SDHD: variants seen among roughly 807,000 people sequenced by gnomAD.
SDHD encodes the protein succinate dehydrogenase complex subunit D, also known as succinate dehydrogenase [ubiquinone] cytochrome b small subunit, mitochondrial.
SDHD carries 6 observed loss-of-function variants against 18.7 expected under a neutral mutation model. That is an observed-to-expected ratio of 0.32 (90% confidence interval 0.18 to 0.63). The LOEUF (loss-of-function observed/expected upper bound fraction) is 0.63, where lower values mean the gene tolerates loss of function less well. Ranked by LOEUF, SDHD falls within the 30% of genes least tolerant of loss-of-function variation. The pLI is 0.79. For synonymous variants in SDHD, 56 were observed against 73.9 expected (o/e 0.76, Z 1.24); for missense variants, 160 against 192.7 (o/e 0.83, Z 1.00).
At chr11:112,089,419 A>C (rs1865704383) in intron 3 of SDHD, among the ~76,000 whole-genome samples, 1 of 152,220 alleles carries the variant, frequency 6.6e-6, no homozygotes, top group Non-Finnish European at 1.5e-5. Flanking sequence ...CCAACACAGC[A>C]TACCCAGTGA....
Position 112,095,794 on chromosome 11 carries a change from A to G in SDHD, c.*824A>G, listed in dbSNP as rs764507748. The G allele has an allele frequency of 5.1e-6, 1 of 197,858 alleles. No homozygotes were observed. The highest frequency in any genetic ancestry group is 1.0e-5 in the Non-Finnish European group (1 of 96,292). 12.3% of individuals were successfully genotyped at this position (197,858 alleles called of 1,614,324 possible). A position where few individuals can be genotyped will look rare whatever the true frequency, so the allele number is the denominator to read the frequency against. On this transcript the variant is annotated 3_prime_UTR_variant, in exon 4 of 4. Coordinates refer to ENST00000375549, the MANE Select transcript of SDHD (RefSeq NM_003002.4). ...TAATAAAAGTGTCTTCTATGCTTTT[A>G]TATATTAGCTATCAGTAGTTTTATT...
chr11:112,087,805 A>G, intron 1 of SDHD, 52 bp from the exon 2 acceptor site: 1 of 1,147,636 alleles, frequency 8.7e-7, no homozygotes, highest in Non-Finnish European at 1.3e-6. Context: ...AAAGTTTGTC[A>G]GTCCTGTTAA....
chr11:112,088,730 T>C, intron 2 of SDHD, 137 bp from the exon 3 acceptor site: 1 of 960,128 alleles, frequency 1.0e-6, no homozygotes. Context: ...ACTATTTTGA[T>C]ATTTTACTTC....
At chr11:112,093,084 G>T in intron 3 of SDHD, 1 of 267,458 alleles carries the variant, frequency 3.7e-6, no homozygotes, top group Non-Finnish European at 7.7e-6. Flanking sequence ...GCTCAGGCTG[G>T]AGTGCAATGG....
At chr11:112,088,578 A>G in intron 2 of SDHD, 1 of 454,316 alleles carries the variant, frequency 2.2e-6, no homozygotes, top group South Asian at 2.1e-5. Flanking sequence ...TTAATTCTGT[A>G]GCAATACAGC....
At chr11:112,087,038 G>T (rs1865624337) in intron 1 of SDHD, 79 bp downstream of exon 1, 2 of 1,496,330 alleles carry the variant, frequency 1.3e-6, no homozygotes, top group South Asian at 2.3e-5. Context: ...CTCATCTGCC[G>T]GGTGGGAGAT....
intron 3 of SDHD, among the ~76,000 whole-genome samples, chr11:112,091,653 T>A (rs1447187590): frequency 6.6e-6 from 1 of 152,114 alleles, no homozygotes; most frequent in African/African-American, 2.4e-5. Context: ...AAATCTCCCT[T>A]GATTTCTCCT....
At chr11:112,091,328 T>G (rs1865742490) in intron 3 of SDHD, among the ~76,000 whole-genome samples, 1 of 152,210 alleles carries the variant, frequency 6.6e-6, no homozygotes, top group Admixed American at 6.5e-5. Context: ...TGCCCTCCAC[T>G]TGCTTGAAGT....
intron 3 of SDHD, 58 bp from the exon 4 acceptor site, chr11:112,094,747 A>G: frequency 2.0e-6 from 3 of 1,482,884 alleles, no homozygotes; most frequent in Non-Finnish European, 1.9e-6. Context: ...TTATCTGTAT[A>G]GTCTTCTAAT....
At position 112,087,780 on chromosome 11, in the gene SDHD, C is replaced by T. The variant is rs577862853; in HGVS notation, c.53-77C>T. Reference sequence around the variant, plus strand: ...CCCCTATTTATTGTTAAGTAGCTTACCTATGGTCATTTAGAAAGTTTGTCA... The same window carrying T: ...CCCCTATTTATTGTTAAGTAGCTTATCTATGGTCATTTAGAAAGTTTGTCA... On this transcript the variant is annotated intron_variant, in intron 1 of 3. Transcript: ENST00000375549. 1.3e-5 allele frequency: 12 copies of T among 893,982 alleles called. No individual in the cohort carries two copies. The South Asian group carries it at 1.6e-4, about 12-fold the overall frequency. 55.4% of individuals were successfully genotyped at this position (893,982 alleles called of 1,614,324 possible). A position where few individuals can be genotyped will look rare whatever the true frequency, so the allele number is the denominator to read the frequency against.
chr11:112,088,699 CAG>C (rs1865678388), intron 2 of SDHD, among the ~76,000 whole-genome samples, 166 bp from the exon 3 acceptor site: 1 of 152,240 alleles, frequency 6.6e-6, no homozygotes, highest in Non-Finnish European at 1.5e-5. Flanking sequence ...CTTCAAAAAA[CAG>C]AGATAGCTTC....
intron 3 of SDHD, among the ~76,000 whole-genome samples, chr11:112,090,553 G>T (rs775798464): frequency 1.3e-5 from 2 of 152,160 alleles, no homozygotes; most frequent in East Asian, 1.9e-4. Context: ...ATTGTGGGGG[G>T]TAGGGAGCCA....
At position 112,095,184 on chromosome 11, in the gene SDHD, G is replaced by A; in HGVS notation, c.*214G>A. ...TTGTGAGACTGAGTTCTATATTCTG[G>A]TGAGTTAATGGGGTTGCCTCCCAGC... On this transcript the variant is annotated 3_prime_UTR_variant, in exon 4 of 4. Transcript: ENST00000375549. The A allele has an allele frequency of 1.7e-6, 1 of 580,864 alleles. No homozygotes were observed. Among genetic ancestry groups the A allele is most frequent in the South Asian group, 1.9e-5 (1 of 52,340 alleles). The allele number at this position is 580,864 out of a possible 1,614,324, so 36.0% of individuals were successfully genotyped here.
chr11:112,089,101 G>A, intron 3 of SDHD, 90 bp downstream of exon 3: 1 of 1,420,096 alleles, frequency 7.0e-7, no homozygotes, highest in Non-Finnish European at 9.9e-7. Context: ...GAAGTTGATT[G>A]AAATGCCCTA....
chr11:112,088,520 A>T, intron 2 of SDHD: 2 of 369,782 alleles, frequency 5.4e-6, no homozygotes, highest in Non-Finnish European at 1.0e-5. Flanking sequence ...CTGGACCACT[A>T]ACTTACATTC....
In SDHD at chr11:112,095,206, C is replaced by T; in HGVS notation, c.*236C>T. 1 of 536,802 alleles carries T rather than the reference C, an allele frequency of 1.9e-6. No homozygotes were observed. The highest frequency in any genetic ancestry group is 2.0e-5 in the South Asian group (1 of 48,906). 33.3% of individuals were successfully genotyped at this position (536,802 alleles called of 1,614,324 possible). A position where few individuals can be genotyped will look rare whatever the true frequency, so the allele number is the denominator to read the frequency against. The stretch of plus-strand genomic sequence containing the variant: ...CTGGTGAGTTAATGGGGTTGCCTCC[C>T]AGCTTCTTATAAGACTCACAGTATA... On this transcript the variant is annotated 3_prime_UTR_variant, in exon 4 of 4. Transcript: ENST00000375549.
At position 112,095,592 on chromosome 11, in the gene SDHD, A is replaced by G. The variant is rs142510105; in HGVS notation, c.*622A>G. The G allele has an allele frequency of 4.7e-3, 1,085 of 230,058 alleles. 10 individuals carry two copies. Among genetic ancestry groups the G allele is most frequent in the African/African-American group, 0.022 (976 of 45,282 alleles). The allele number at this position is 230,058 out of a possible 1,614,324, so 14.3% of individuals were successfully genotyped here. A position where few individuals can be genotyped will look rare whatever the true frequency, so the allele number is the denominator to read the frequency against. On this transcript the variant is annotated 3_prime_UTR_variant, in exon 4 of 4. Coordinates refer to ENST00000375549, the MANE Select transcript of SDHD (RefSeq NM_003002.4). ...TAAGGGCAAGTTTCCCTGTAGATGTATCAAAATACTACCAACTGTAAATTG... is the reference window on the plus strand; with the variant it reads ...TAAGGGCAAGTTTCCCTGTAGATGTGTCAAAATACTACCAACTGTAAATTG...
Position 112,094,888 on chromosome 11 carries a change from C to A in SDHD, c.398C>A (p.Ala133Asp), listed in dbSNP as rs755584530. ...AAGGCAGGGCTTTTGGCACTTTCAG[C>A]TTTAACCTTTGCTGGGCTTTGCTAT... ...AAKAGLLALS[A>D]LTFAGLCYFN... Residue 133 changes from alanine to aspartate, a missense_variant, in exon 4 of 4, where the codon GCT (alanine) becomes GAT (aspartate). By Grantham distance (126) the Ala-to-Asp change is moderately radical. Transcript: ENST00000375549. 1.9e-6 allele frequency: 3 copies of A among 1,611,756 alleles called. No homozygotes were observed. The Admixed American group carries it at 5.0e-5, about 27-fold the overall frequency.
At chr11:112,091,118 T>C (rs1318068328) in intron 3 of SDHD, 1 of 978,934 alleles carries the variant, frequency 1.0e-6, no homozygotes, top group African/African-American at 1.8e-5. Context: ...TATGAAATAT[T>C]AGATCACAAG....
Sources: allele counts gnomAD v4.1 joint callset (sites outside exome capture counted in the v4.1 genomes callset), GRCh38; gene constraint gnomAD v4.1.1; transcripts MANE v1.5; gene names NCBI Gene and HGNC (gene_info 2026-07-23, HGNC 2026-07-21).